Variants in DNAH6 observed in about 807,000 individuals in gnomAD.
DNAH6 encodes axonemal beta dynein heavy chain 6.
Under a neutral mutation model 491.4 loss-of-function variants are expected in DNAH6, and 340 were observed. The observed-to-expected ratio is 0.69, with a 90% CI of 0.63 to 0.76. The LOEUF (loss-of-function observed/expected upper bound fraction) is 0.76. Among genes scored for constraint, DNAH6 ranks in the 30% least tolerant of loss-of-function variants. DNAH6 has a pLI of 0.00. For synonymous variants in DNAH6, 1,603 were observed against 1,686.1 expected (o/e 0.95, Z 1.21); for missense variants, 4,443 against 4,972.2 (o/e 0.89, Z 3.20).
chr2:84,601,523 ATAGC>A, intron 18 of DNAH6, among the ~76,000 whole-genome samples: 1 of 152,232 alleles, frequency 6.6e-6, no homozygotes, highest in South Asian at 2.1e-4. Context: ...TGAAATTAAC[ATAGC>A]TAGTTCAGCT....
chr2:84,468,124 G>T, the DNAH6 span, among the ~76,000 whole-genome samples: 2 of 152,152 alleles, frequency 1.3e-5, no homozygotes, highest in Non-Finnish European at 2.9e-5. Flanking sequence ...ATTTCCCAAA[G>T]ATTACTAAAG....
At chr2:84,798,455 CCA>C (rs2105291789) in intron 70 of DNAH6, among the ~76,000 whole-genome samples, 1 of 152,254 alleles carries the variant, frequency 6.6e-6, no homozygotes, top group East Asian at 1.9e-4. Context: ...CAGTTTGAAC[CCA>C]CACACAGCCC....
rs1674730480 is a variant in DNAH6 at position 84,762,957 on chromosome 2, T to C, written c.10703+12T>C. 4 of 1,547,168 alleles carry C rather than the reference T, an allele frequency of 2.6e-6. No individual in the cohort carries two copies. The highest frequency in any genetic ancestry group is 2.4e-5 in the East Asian group (1 of 40,900). On this transcript the variant is annotated intron_variant, in intron 64 of 76. Transcript: ENST00000389394. ...GGATATTCAGAACGGTAAGTTCATGTTGTGCAGTTTTAATAATGCAAATGC... is the reference window on the plus strand; with the variant it reads ...GGATATTCAGAACGGTAAGTTCATGCTGTGCAGTTTTAATAATGCAAATGC...
chr2:84,775,438 C>G (rs756382258), intron 64 of DNAH6, among the ~76,000 whole-genome samples: 3 of 152,074 alleles, frequency 2.0e-5, no homozygotes, highest in Non-Finnish European at 2.9e-5. Context: ...ATTTTCGCAT[C>G]TATGTTCATC....
At chr2:84,468,423 C>G in the DNAH6 span, among the ~76,000 whole-genome samples, 2 of 152,200 alleles carry the variant, frequency 1.3e-5, no homozygotes, top group Non-Finnish European at 2.9e-5. Flanking sequence ...GGAGTCCAGG[C>G]TGTTAGAGCT....
At chr2:84,590,755 A>T (rs1056755855) in intron 16 of DNAH6, among the ~76,000 whole-genome samples, 4 of 152,028 alleles carry the variant, frequency 2.6e-5, no homozygotes, top group African/African-American at 9.7e-5. Flanking sequence ...ACACCCTTTC[A>T]CTATAATTCC....
chr2:84,646,076 C>T (rs1232172088), intron 33 of DNAH6, among the ~76,000 whole-genome samples: 1 of 152,164 alleles, frequency 6.6e-6, no homozygotes, highest in African/African-American at 2.4e-5. Flanking sequence ...TTTCCAGTAG[C>T]TTGTGTTCAC....
chr2:84,524,243 C>A (rs1289596887), intron 2 of DNAH6, among the ~76,000 whole-genome samples: 2 of 150,038 alleles, frequency 1.3e-5, no homozygotes, highest in Non-Finnish European at 3.0e-5. Flanking sequence ...GGTTTAAAGT[C>A]TGTTTTGTCT....
chr2:84,777,584 G>A (rs878929120), intron 64 of DNAH6: 1 of 793,638 alleles, frequency 1.3e-6, no homozygotes, highest in East Asian at 2.4e-5. Context: ...TTACTTATCT[G>A]TATCAGTCCC....
Position 84,653,770 on chromosome 2 carries a change from C to G in DNAH6, c.5530C>G (p.Leu1844Val). ...WIISDGPVDA[L>V]WIENMNTVLD... ...CATCAGTGATGGGCCAGTAGATGCTCTTTGGATTGAAAACATGAATACAGT... is the reference window on the plus strand; with the variant it reads ...CATCAGTGATGGGCCAGTAGATGCTGTTTGGATTGAAAACATGAATACAGT... The change falls in exon 34 of 77, where the codon CTT becomes GTT. Residue 1844 changes from leucine (L) to valine (V), a missense_variant. Leu to Val is a conservative substitution (Grantham distance 32). This residue lies in a region of DNAH6 where 2,977 missense variants were observed against 3,296.6 expected (regional missense o/e 0.90). Coordinates refer to ENST00000389394, the MANE Select transcript of DNAH6 (RefSeq NM_001370.2). 1.9e-6 allele frequency: 3 copies of G among 1,551,356 alleles called. No individual in the cohort carries two copies. Among genetic ancestry groups the G allele is most frequent in the Non-Finnish European group, 2.6e-6 (3 of 1,146,690 alleles).
intron 59 of DNAH6, among the ~76,000 whole-genome samples, chr2:84,720,521 G>A (rs1266470125): frequency 4.0e-5 from 6 of 151,584 alleles, no homozygotes; most frequent in South Asian, 2.1e-4. Context: ...CTCGTGATCC[G>A]CCCGCCTCGG....
In DNAH6 at chr2:84,595,655, G is replaced by A. The variant is rs749308865; in HGVS notation, c.2734G>A (p.Asp912Asn). The change falls in exon 18 of 77, where the codon GAT becomes AAT. Residue 912 changes from aspartate to asparagine, a missense_variant. Asp to Asn is a conservative substitution (Grantham distance 23, BLOSUM62 1). Coordinates refer to ENST00000389394, the MANE Select transcript of DNAH6 (RefSeq NM_001370.2). ...LQQEWLKSKF[D>N]CLDPEVLNGQ... ...TTTAAATTTTTCATAGTCCAAATTTGATTGCCTGGATCCAGAAGTCCTAAA... is the reference window on the plus strand; with the variant it reads ...TTTAAATTTTTCATAGTCCAAATTTAATTGCCTGGATCCAGAAGTCCTAAA... 2 of 1,535,598 alleles carry A rather than the reference G, an allele frequency of 1.3e-6. No individual in the cohort carries two copies. Among genetic ancestry groups the A allele is most frequent in the South Asian group, 2.5e-5 (2 of 79,458 alleles).
intron 41 of DNAH6, among the ~76,000 whole-genome samples, chr2:84,678,737 T>C (rs1368216133): frequency 1.3e-5 from 2 of 152,126 alleles, no homozygotes; most frequent in Non-Finnish European, 2.9e-5. Context: ...AGCTAAAAAC[T>C]GGCTGTGATA....
Position 84,588,830 on chromosome 2 carries a change from C to A in DNAH6, c.2486C>A (p.Pro829Gln), listed in dbSNP as rs776337393. The A allele has an allele frequency of 3.6e-5, 56 of 1,534,974 alleles. 4 individuals carry two copies. In the South Asian group the frequency reaches 6.8e-4, roughly 19 times the overall value. ...VNEVKLQAQD[P>Q]QILDISADQD... ...AAAACTGTCTTAAATTTATAGGATC[C>A]ACAGATTTTAGATATCTCTGCTGAC... is the stretch of plus-strand genomic sequence containing the variant. Residue 829 changes from proline (P) to glutamine (Q), a missense_variant, in exon 16 of 77, where the codon CCA becomes CAA. This residue lies in a region of DNAH6 where 2,977 missense variants were observed against 3,296.6 expected (regional missense o/e 0.90). Coordinates refer to ENST00000389394, the MANE Select transcript of DNAH6 (RefSeq NM_001370.2).
chr2:84,788,337 T>C (rs1677411836), intron 68 of DNAH6, among the ~76,000 whole-genome samples: 1 of 152,214 alleles, frequency 6.6e-6, no homozygotes, highest in Non-Finnish European at 1.5e-5. Flanking sequence ...TACCTCAGTG[T>C]CTACTGCTGT....
At chr2:84,800,232 A>G (rs1017470617) in intron 70 of DNAH6, among the ~76,000 whole-genome samples, 2 of 152,196 alleles carry the variant, frequency 1.3e-5, no homozygotes, top group African/African-American at 2.4e-5. Context: ...CCTCCAGGAA[A>G]AAAAAGAATA....
intron 76 of DNAH6, 100 bp downstream of exon 76, chr2:84,816,183 C>T: frequency 1.1e-6 from 1 of 910,674 alleles, no homozygotes; most frequent in Non-Finnish European, 1.6e-6. Flanking sequence ...TCCCTTGGGC[C>T]AATAAACTAG....
In DNAH6 at chr2:84,808,431, G is replaced by A; in HGVS notation, c.11628G>A (p.Glu3876=). The A allele has an allele frequency of 2.0e-6, 3 of 1,537,928 alleles. No homozygotes were observed. Among genetic ancestry groups the A allele is most frequent in the Non-Finnish European group, 2.6e-6 (3 of 1,142,314 alleles). ...ATGTTTCAGAAAAACTGGAAATGGA[G>A]GGTGCTTCTGAGAGCCTTTTTGTCA... The part of the protein sequence containing the change: ...QTRVPEKLEM[E]GASESLFVKD... Residue 3876 remains glutamate (E), a synonymous_variant, in exon 72 of 77, where the codon GAG becomes GAA. Coordinates refer to ENST00000389394, the MANE Select transcript of DNAH6 (RefSeq NM_001370.2).
intron 7 of DNAH6, 135 bp from the exon 8 acceptor site, chr2:84,548,153 T>A (rs962479641): frequency 4.5e-6 from 4 of 890,938 alleles, no homozygotes; most frequent in Non-Finnish European, 6.7e-6. Flanking sequence ...TGGGCTGTTT[T>A]TCAGGTTTGA....
Sources: gnomAD v4.1 joint callset for allele counts (sites outside exome capture counted in the v4.1 genomes callset) on GRCh38, gnomAD v4.1.1 for gene constraint, gnomAD v4.1.1 regional missense constraint, MANE v1.5 for transcripts, NCBI Gene and HGNC (gene_info 2026-07-23, HGNC 2026-07-21) for gene names.